The following NARS2 variants were observed in gnomAD, a reference collection of about 807,000 sequenced individuals.
The protein encoded by NARS2 is asparaginyl-tRNA synthetase.
A neutral mutation model predicts 62.9 loss-of-function variants in NARS2; 60 were observed. The ratio of observed to expected loss-of-function variants is 0.95; its 90% CI spans 0.77 to 1.18. The LOEUF is 1.18. Ranked by LOEUF, NARS2 falls within the 50% of genes most tolerant of loss-of-function variation. The pLI, the probability that NARS2 is intolerant of heterozygous loss-of-function variation, is 0.00. For synonymous variants in NARS2, 196 were observed against 200.0 expected, an observed-to-expected ratio of 0.98 and a Z score of 0.17; for missense variants, 619 against 576.4, an observed-to-expected ratio of 1.07 and a Z score of -0.76.
intron 6 of NARS2, among the ~76,000 whole-genome samples, chr11:78,494,586 GA>G (rs1189691412): frequency 6.7e-6 from 1 of 150,134 alleles, no homozygotes; most frequent in Non-Finnish European, 1.5e-5. Flanking sequence ...CCAATTGGTA[GA>G]AGCTTAGGAA....
intron 6 of NARS2, among the ~76,000 whole-genome samples, chr11:78,514,782 G>A (rs1349327158): frequency 6.6e-6 from 1 of 152,068 alleles, no homozygotes; most frequent in African/African-American, 2.4e-5. Context: ...TTCCAAAGGC[G>A]GCAAGCAGAC....
At position 78,571,318 on chromosome 11, in the gene NARS2, T is replaced by TA. The variant is rs1565292865; in HGVS notation, c.251+16dup. 3 of 1,565,480 alleles carry TA rather than the reference T, an allele frequency of 1.9e-6. No homozygotes were observed. The Admixed American group carries it at 5.0e-5, about 26-fold the overall frequency. ...AAAAACAAAAATCAAAGAATTCTTTTAAAAAACAAAACTCACCTACTGTCA... is the reference window on the plus strand; with the variant it reads ...AAAAACAAAAATCAAAGAATTCTTTTAAAAAAACAAAACTCACCTACTGTCA... On this transcript the variant is annotated intron_variant, in intron 2 of 13. Coordinates refer to ENST00000281038, the MANE Select transcript of NARS2 (RefSeq NM_024678.6).
chr11:78,474,974 CAATT>C (rs1859027525), intron 9 of NARS2, among the ~76,000 whole-genome samples: 1 of 151,850 alleles, frequency 6.6e-6, no homozygotes, highest in South Asian at 2.1e-4. Flanking sequence ...ATATACATTA[CAATT>C]AATTATGGTC....
intron 4 of NARS2, among the ~76,000 whole-genome samples, chr11:78,563,181 G>A (rs1252220586): frequency 6.6e-6 from 1 of 150,434 alleles, no homozygotes; most frequent in Admixed American, 6.6e-5. Flanking sequence ...TATCACGAAT[G>A]GTGCTAAAAT....
intron 6 of NARS2, among the ~76,000 whole-genome samples, chr11:78,517,973 G>A (rs867624201): frequency 2.0e-5 from 3 of 152,118 alleles, no homozygotes; most frequent in Middle Eastern, 6.8e-3. Flanking sequence ...TAGGTTTCAC[G>A]GTTATATAAT....
intron 7 of NARS2, among the ~76,000 whole-genome samples, chr11:78,483,342 CCT>C (rs1305487396): frequency 1.3e-5 from 2 of 152,152 alleles, no homozygotes; most frequent in African/African-American, 2.4e-5. Context: ...ACAAGGATGC[CCT>C]CTCTCACCAC....
At chr11:78,510,092 T>C (rs1462756273) in intron 6 of NARS2, among the ~76,000 whole-genome samples, 1 of 151,994 alleles carries the variant, frequency 6.6e-6, no homozygotes. Context: ...ATAAAGTATA[T>C]AGAAAACAAA....
intron 6 of NARS2, among the ~76,000 whole-genome samples, chr11:78,508,053 G>A (rs1030526678): frequency 6.6e-6 from 1 of 151,974 alleles, no homozygotes; most frequent in Non-Finnish European, 1.5e-5. Flanking sequence ...AGAACACCTA[G>A]GAAAACAAAA....
intron 3 of NARS2, among the ~76,000 whole-genome samples, chr11:78,567,636 T>C (rs577922684): frequency 6.6e-6 from 1 of 152,240 alleles, no homozygotes; most frequent in Non-Finnish European, 1.5e-5. Flanking sequence ...TCAGAAATCT[T>C]AGAACCTGAT....
intron 4 of NARS2, among the ~76,000 whole-genome samples, chr11:78,562,299 G>A: frequency 6.6e-6 from 1 of 151,972 alleles, no homozygotes; most frequent in East Asian, 1.9e-4. Context: ...GCACAGTGGT[G>A]CATGCCTATA....
At chr11:78,555,070 C>T (rs570687336) in intron 5 of NARS2, 26 of 152,260 alleles carry the variant, frequency 1.7e-4, no homozygotes, top group African/African-American at 6.3e-4. Flanking sequence ...ACCTTGCATC[C>T]CAGCAATGAA....
At chr11:78,456,549 T>C (rs1858170356) in intron 11 of NARS2, among the ~76,000 whole-genome samples, 1 of 152,184 alleles carries the variant, frequency 6.6e-6, no homozygotes, top group Non-Finnish European at 1.5e-5. Context: ...TCTGGGAAAT[T>C]TATTGCACAC....
chr11:78,469,276 CTTGCT>C lies in NARS2; in HGVS notation c.992_996del (p.Lys331SerfsTer14), dbSNP rs754579488. 6.2e-7 allele frequency: 1 copy of C among 1,613,368 alleles called. No homozygotes were observed. The highest frequency in any genetic ancestry group is 8.5e-7 in the Non-Finnish European group (1 of 1,179,450). On this transcript the variant is annotated frameshift_variant, in exon 10 of 14. Coordinates refer to ENST00000281038, the MANE Select transcript of NARS2 (RefSeq NM_024678.6). LOFTEE classifies it high-confidence loss of function. The stretch of plus-strand genomic sequence containing the variant: ...GGGGTAAAGGTGAAGTTCTGGGATG[CTTGCT>C]TTAAGATCTCCACTGCTTCAGTATA...
intron 11 of NARS2, among the ~76,000 whole-genome samples, chr11:78,463,354 C>A (rs553051751): frequency 6.6e-6 from 1 of 152,314 alleles, no homozygotes; most frequent in Admixed American, 6.5e-5. Flanking sequence ...GCCACTATAC[C>A]TGGCCATGTT....
At chr11:78,554,670 G>A (rs1176689172) in intron 5 of NARS2, among the ~76,000 whole-genome samples, 2 of 152,082 alleles carry the variant, frequency 1.3e-5, no homozygotes, top group African/African-American at 4.8e-5. Flanking sequence ...GGAGCTTTTG[G>A]GCTGAGGCTA....
chr11:78,457,034 T>C (rs1397645007), intron 11 of NARS2, among the ~76,000 whole-genome samples: 1 of 152,212 alleles, frequency 6.6e-6, no homozygotes, highest in African/African-American at 2.4e-5. Flanking sequence ...TCTCTGATTA[T>C]ACAGAGGGAG....
At chr11:78,568,500 T>C (rs1281002457) in intron 3 of NARS2, 132 bp downstream of exon 3, 4 of 1,140,454 alleles carry the variant, frequency 3.5e-6, no homozygotes, top group Admixed American at 4.9e-5. Flanking sequence ...CTACAGGTCA[T>C]ATGGCTTGTT....
intron 7 of NARS2, among the ~76,000 whole-genome samples, chr11:78,489,539 T>C (rs980388960): frequency 6.6e-6 from 1 of 152,160 alleles, no homozygotes; most frequent in Non-Finnish European, 1.5e-5. Context: ...TTCTTCCCTA[T>C]AAAATGAAAG....
chr11:78,574,257 G>T, intron 1 of NARS2, 91 bp downstream of exon 1: 1 of 1,545,534 alleles, frequency 6.5e-7, no homozygotes, highest in Non-Finnish European at 8.9e-7. Context: ...TGGCGGTTGT[G>T]TCTGACCCGA....
Sources: gnomAD v4.1 joint callset for allele counts (sites outside exome capture counted in the v4.1 genomes callset) on GRCh38, gnomAD v4.1.1 for gene constraint, MANE v1.5 for transcripts, NCBI Gene and HGNC (gene_info 2026-07-23, HGNC 2026-07-21) for gene names.